Variants in IFNL3 observed in about 807,000 individuals in gnomAD.
IFNL3 encodes the protein interferon lambda-3.
IFNL3 carries 16 observed loss-of-function variants against 16.3 expected under a neutral mutation model. The observed-to-expected ratio is 0.98, with a 90% CI of 0.67 to 1.50. IFNL3 has a LOEUF of 1.50. Ranked by LOEUF, IFNL3 falls within the 40% of genes most tolerant of loss-of-function variation. The probability of loss-of-function intolerance (pLI) is 0.00; values close to 1 mark genes in which losing one functional copy is unlikely to be tolerated. For synonymous variants in IFNL3, 115 were observed against 115.3 expected, an observed-to-expected ratio of 1.00 and a Z score of 0.02; for missense variants, 254 against 253.5, an observed-to-expected ratio of 1.00 and a Z score of -0.01.
Position 39,244,853 on chromosome 19 carries a change from T to C in IFNL3, c.115A>G (p.Ile39Val), listed in dbSNP as rs202115118. 14 of 1,613,808 alleles carry C rather than the reference T, an allele frequency of 8.7e-6. No individual in the cohort carries two copies. Among genetic ancestry groups the C allele is most frequent in the African/African-American group, 4.0e-5 (3 of 74,890 alleles). Residue 39 changes from isoleucine to valine, a missense_variant, in exon 1 of 5, where the codon ATA becomes GTA. Ile to Val is a conservative substitution (Grantham distance 29). Coordinates refer to ENST00000413851, the MANE Select transcript of IFNL3 (RefSeq NM_172139.4). ...GGAGACAGGGACTTGAACTGGGCTATGTGGCAGCCCCTTGCATCCGGGAGA... is the reference window on the plus strand; with the variant it reads ...GGAGACAGGGACTTGAACTGGGCTACGTGGCAGCCCCTTGCATCCGGGAGA... ...GALPDARGCH[I>V]AQFKSLSPQE...
At position 39,244,865 on chromosome 19, in the gene IFNL3, T is replaced by C. The variant is rs2074937031; in HGVS notation, c.103A>G (p.Arg35Gly). ...ARLRGALPDA[R>G]GCHIAQFKSL... ...TTGAACTGGGCTATGTGGCAGCCCC[T>C]TGCATCCGGGAGAGCCCCGCGGAGC... The change falls in exon 1 of 5, where the codon AGG (arginine) becomes GGG (glycine). Residue 35 changes from arginine to glycine, a missense_variant. Physicochemically the swap from Arg to Gly is moderately radical, Grantham distance 125 (BLOSUM62 -2). Coordinates refer to ENST00000413851, the MANE Select transcript of IFNL3 (RefSeq NM_172139.4). 6.2e-7 allele frequency: 1 copy of C among 1,613,934 alleles called. No homozygotes were observed. The highest frequency in any genetic ancestry group is 2.2e-5 in the East Asian group (1 of 44,880).
rs200429365 is a variant in IFNL3 at position 39,244,459 on chromosome 19, G to A, written c.216C>T (p.Arg72=). ...ESLLLKDCKC[R]SRLFPRTWDL... is the part of the protein sequence containing the mutation. ...CCCAGGTCCTGGGGAAGAGGCGGGA[G>A]CGGCACTTGCAGTCCTTCAGCAGAA... Residue 72 remains arginine (R), a synonymous_variant, in exon 2 of 5, where the codon CGC becomes CGT. Coordinates refer to ENST00000413851, the MANE Select transcript of IFNL3 (RefSeq NM_172139.4). The A allele has an allele frequency of 3.2e-5, 52 of 1,611,092 alleles. No individual in the cohort carries two copies. The highest frequency in any genetic ancestry group is 4.2e-5 in the Non-Finnish European group (49 of 1,178,722).
Position 39,244,761 on chromosome 19 carries a change from A to T in IFNL3, c.180+27T>A, listed in dbSNP as rs756014514. On this transcript the variant is annotated intron_variant, in intron 1 of 4. Coordinates refer to ENST00000413851, the MANE Select transcript of IFNL3 (RefSeq NM_172139.4). ...TTGGAGTGCGGGTGGAGGCTAGTCC[A>T]TGGCAGGAGGGCAGGGGGAGACTCA... 3.9e-5 allele frequency: 63 copies of T among 1,603,062 alleles called. No individual in the cohort carries two copies. In the Admixed American group the frequency reaches 1.0e-3, roughly 26 times the overall value.
chr19:39,244,170 G>A lies in IFNL3; in HGVS notation c.259-13C>T, dbSNP rs780276267. 2 of 1,614,090 alleles carry A rather than the reference G, an allele frequency of 1.2e-6. No individual in the cohort carries two copies. The highest frequency in any genetic ancestry group is 1.7e-5 in the Admixed American group (1 of 60,010). ...GGCGCTCCCTCACCTGAGGAGAGGT[G>A]AGAAAGAGCAGGTGAGGGGGGAGGT... On this transcript the variant is annotated splice_polypyrimidine_tract_variant and intron_variant, in intron 2 of 4. Coordinates refer to ENST00000413851, the MANE Select transcript of IFNL3 (RefSeq NM_172139.4).
In IFNL3 at chr19:39,244,069, C is replaced by T. The variant is rs544382874; in HGVS notation, c.347G>A (p.Gly116Glu). 2 of 1,613,806 alleles carry T rather than the reference C, an allele frequency of 1.2e-6. No homozygotes were observed. ...GTGAAGGGGCTGGTCCAAGACATCC[C>T]CCAGGGCTGGGTCAGTGTCAGCGGT... The part of the protein sequence containing the change: ...EATADTDPAL[G>E]DVLDQPLHTL... The change falls in exon 3 of 5, where the codon GGG becomes GAG. Residue 116 changes from glycine to glutamate, a missense_variant. Transcript: ENST00000413851.
At chr19:39,244,201 G>A (rs1160214551) in intron 2 of IFNL3, 44 bp from the exon 3 acceptor site, 1 of 1,610,360 alleles carries the variant, frequency 6.2e-7, no homozygotes, top group Non-Finnish European at 8.5e-7. Context: ...GAGGTGAGGG[G>A]AACAGGTTGG....
chr19:39,244,830 A>C lies in IFNL3; in HGVS notation c.138T>G (p.Ser46=). 1.9e-6 allele frequency: 3 copies of C among 1,613,882 alleles called. No homozygotes were observed. Among genetic ancestry groups the C allele is most frequent in the Non-Finnish European group, 2.5e-6 (3 of 1,179,842 alleles). The change falls in exon 1 of 5, where the codon TCT becomes TCG. Residue 46 remains serine, a synonymous_variant. Coordinates refer to ENST00000413851, the MANE Select transcript of IFNL3 (RefSeq NM_172139.4). ...GCHIAQFKSL[S]PQELQAFKRA... ...TCTTAAAGGCCTGCAGCTCCTGTGG[A>C]GACAGGGACTTGAACTGGGCTATGT...
In IFNL3 at chr19:39,244,333, G is replaced by A. The variant is rs2074932412; in HGVS notation, c.258+84C>T. 3.3e-6 allele frequency: 5 copies of A among 1,510,670 alleles called. No homozygotes were observed. In the South Asian group the frequency reaches 4.8e-5, roughly 15 times the overall value. The allele number at this position is 1,510,670 out of a possible 1,614,324, so 93.6% of individuals were successfully genotyped here. A position where few individuals can be genotyped will look rare whatever the true frequency, so the allele number is the denominator to read the frequency against. On this transcript the variant is annotated intron_variant, in intron 2 of 4. Coordinates refer to ENST00000413851, the MANE Select transcript of IFNL3 (RefSeq NM_172139.4). ...TGTGGGGAGAGGAGAGAGGGACAAT[G>A]GAGAAGGAGAAGGTGAAGGGGCCAC...
At position 39,244,057 on chromosome 19, in the gene IFNL3, T is replaced by C. The variant is rs774033990; in HGVS notation, c.359A>G (p.Asp120Gly). 5.0e-6 allele frequency: 8 copies of C among 1,613,968 alleles called. No individual in the cohort carries two copies. In the Admixed American group the frequency reaches 1.3e-4, roughly 27 times the overall value. Residue 120 changes from aspartate (D) to glycine (G), a missense_variant, in exon 3 of 5, where the codon GAC (aspartate) becomes GGC (glycine). Asp to Gly is a moderately conservative substitution (Grantham distance 94). Transcript: ENST00000413851. ...ATGGTGCAGGGTGTGAAGGGGCTGGTCCAAGACATCCCCCAGGGCTGGGTC... is the reference window on the plus strand; with the variant it reads ...ATGGTGCAGGGTGTGAAGGGGCTGGCCCAAGACATCCCCCAGGGCTGGGTC... ...DTDPALGDVL[D>G]QPLHTLHHIL... is the part of the protein sequence containing the mutation.
intron 1 of IFNL3, 71 bp from the exon 2 acceptor site, chr19:39,244,565 G>A: frequency 6.6e-7 from 1 of 1,508,048 alleles, no homozygotes; most frequent in South Asian, 1.2e-5. Context: ...GGGATTGGAG[G>A]ATGGCTGACA....
chr19:39,243,521 G>A, downstream of IFNL3: 2 of 1,217,540 alleles, frequency 1.6e-6, no homozygotes, highest in South Asian at 1.4e-5. Flanking sequence ...TTTTCCTGGA[G>A]GTGAGTTGGA....
rs1336744110 is a variant in IFNL3 at position 39,244,880 on chromosome 19, C to A, written c.88G>T (p.Ala30Ser). 1.9e-6 allele frequency: 3 copies of A among 1,613,868 alleles called. No homozygotes were observed. The highest frequency in any genetic ancestry group is 2.5e-6 in the Non-Finnish European group (3 of 1,179,886). ...TGGCAGCCCCTTGCATCCGGGAGAG[C>A]CCCGCGGAGCCTGGCGACAGGAACT... Reference protein sequence around the residue: ...GAVPVARLRGALPDARGCHIA... With the variant: ...GAVPVARLRGSLPDARGCHIA... The change falls in exon 1 of 5, where the codon GCT (alanine) becomes TCT (serine). Residue 30 changes from alanine (A) to serine (S), a missense_variant. By Grantham distance (99) the Ala-to-Ser change is moderately conservative (BLOSUM62 1). Transcript: ENST00000413851.
In IFNL3 at chr19:39,244,318, G is replaced by A. The variant is rs1008283278; in HGVS notation, c.258+99C>T. 5.4e-6 allele frequency: 8 copies of A among 1,488,602 alleles called. No homozygotes were observed. In the Admixed American group the frequency reaches 1.2e-4, roughly 22 times the overall value. The allele number at this position is 1,488,602 out of a possible 1,614,324, so 92.2% of individuals were successfully genotyped here. On this transcript the variant is annotated intron_variant, in intron 2 of 4. Coordinates refer to ENST00000413851, the MANE Select transcript of IFNL3 (RefSeq NM_172139.4). ...GGAAGGGGTAGCAGGTGTGGGGAGA[G>A]GAGAGAGGGACAATGGAGAAGGAGA...
chr19:39,244,733 C>T (rs912504813), intron 1 of IFNL3, 55 bp downstream of exon 1: 29 of 1,582,908 alleles, frequency 1.8e-5, no homozygotes, highest in Non-Finnish European at 2.5e-5. Context: ...AGCATGGTGA[C>T]CCTTGGAGTG....
intron 2 of IFNL3, 80 bp from the exon 3 acceptor site, chr19:39,244,237 G>A: frequency 6.3e-7 from 1 of 1,576,658 alleles, no homozygotes; most frequent in Non-Finnish European, 8.6e-7. Context: ...AGGAACAAGT[G>A]AAGGTGACAG....
chr19:39,244,191 G>GC, intron 2 of IFNL3, 34 bp from the exon 3 acceptor site: 1 of 1,612,524 alleles, frequency 6.2e-7, no homozygotes, highest in South Asian at 1.1e-5. Flanking sequence ...GGTGAGGGGG[G>GC]AGGTGAGGGG....
At chr19:39,243,753 C>G (rs1200263496) in intron 4 of IFNL3, 23 bp from the exon 5 acceptor site, 34 of 1,612,776 alleles carry the variant, frequency 2.1e-5, no homozygotes, top group Non-Finnish European at 2.5e-5. Flanking sequence ...GGGGATGGGT[C>G]AGGGGCTGTC....
chr19:39,244,657 G>A, intron 1 of IFNL3, 131 bp downstream of exon 1: 1 of 1,375,536 alleles, frequency 7.3e-7, no homozygotes. Context: ...CCTGCAGTAG[G>A]AGCATGAGAT....
At position 39,244,845 on chromosome 19, in the gene IFNL3, C is replaced by G. The variant is rs1446359380; in HGVS notation, c.123G>C (p.Gln41His). The G allele has an allele frequency of 2.5e-6, 4 of 1,613,932 alleles. No individual in the cohort carries two copies. The highest frequency in any genetic ancestry group is 1.7e-5 in the Admixed American group (1 of 60,020). The change falls in exon 1 of 5, where the codon CAG (glutamine) becomes CAC (histidine). Residue 41 changes from glutamine to histidine, a missense_variant. Transcript: ENST00000413851. ...GCTCCTGTGGAGACAGGGACTTGAA[C>G]TGGGCTATGTGGCAGCCCCTTGCAT... Reference protein sequence around the residue: ...LPDARGCHIAQFKSLSPQELQ... With the variant: ...LPDARGCHIAHFKSLSPQELQ...
Sources: gnomAD v4.1 joint callset for allele counts on GRCh38, gnomAD v4.1.1 for gene constraint, MANE v1.5 for transcripts, NCBI Gene and HGNC (gene_info 2026-07-23, HGNC 2026-07-21) for gene names.